The following RMND5A variants were observed in gnomAD, a reference collection of about 807,000 sequenced individuals.
The protein encoded by RMND5A is required for meiotic nuclear division 5 homolog A.
A neutral mutation model predicts 49.7 loss-of-function variants in RMND5A; 17 were observed. The observed-to-expected ratio is 0.34, with a 90% CI of 0.23 to 0.51. The LOEUF (loss-of-function observed/expected upper bound fraction) is 0.51, where lower values mean the gene tolerates loss of function less well. RMND5A is among the 20% of genes least tolerant of loss of function. The probability of loss-of-function intolerance (pLI) is 0.96; values close to 1 mark genes in which losing one functional copy is unlikely to be tolerated. For synonymous variants in RMND5A, 156 were observed against 167.7 expected, an observed-to-expected ratio of 0.93 and a Z score of 0.54; for missense variants, 255 against 471.3, an observed-to-expected ratio of 0.54 and a Z score of 4.25.
chr2:86,754,550 T>C (rs1335554402), intron 4 of RMND5A, among the ~76,000 whole-genome samples: 1 of 152,188 alleles, frequency 6.6e-6, no homozygotes, highest in African/African-American at 2.4e-5. Context: ...AGCTTAGTTT[T>C]TTCTTTCTAA....
At chr2:86,759,093 C>T (rs1681797611) in intron 4 of RMND5A, among the ~76,000 whole-genome samples, 1 of 152,062 alleles carries the variant, frequency 6.6e-6, no homozygotes, top group African/African-American at 2.4e-5. Context: ...GGCTTTTTTT[C>T]CCTAGTATTA....
At position 86,728,489 on chromosome 2, in the gene RMND5A, T is replaced by C. The variant is rs1334883583; in HGVS notation, c.142+7680T>C. On this transcript the variant is annotated intron_variant, in intron 1 of 8. Transcript: ENST00000283632. The stretch of plus-strand genomic sequence containing the variant: ...TGGCTAATTTTTGTATTTTTAGTAG[T>C]GACGGAGTTTCACTATGTTGGCTAG... Among the ~76,000 whole-genome samples, 2 of 77,016 alleles carry C rather than the reference T, an allele frequency of 2.6e-5. 1 individual carries two copies. Among genetic ancestry groups the C allele is most frequent in the Non-Finnish European group, 5.4e-5 (2 of 37,282 alleles). The allele number at this position is 77,016 out of a possible 152,430, so 50.5% of individuals were successfully genotyped here. A position where few individuals can be genotyped will look rare whatever the true frequency, so the allele number is the denominator to read the frequency against.
chr2:86,756,695 T>C (rs1681746206), intron 4 of RMND5A, among the ~76,000 whole-genome samples: 1 of 152,222 alleles, frequency 6.6e-6, no homozygotes, highest in South Asian at 2.1e-4. Context: ...TTGAATGATA[T>C]GGGACTCCAA....
chr2:86,751,251 A>G (rs1681628328), intron 2 of RMND5A, among the ~76,000 whole-genome samples: 1 of 152,192 alleles, frequency 6.6e-6, no homozygotes, highest in Non-Finnish European at 1.5e-5. Context: ...TTGTTTCTAA[A>G]GCCATTACAG....
intron 6 of RMND5A, among the ~76,000 whole-genome samples, chr2:86,766,661 C>CA (rs59511898): frequency 0.065 from 4,920 of 76,252 alleles, 181 homozygotes; most frequent in East Asian, 0.15. Context: ...GAGACTGTCT[C>CA]AAAAAAAAAA....
chr2:86,767,904 A>C (rs1558727106), intron 6 of RMND5A, among the ~76,000 whole-genome samples: 1 of 152,220 alleles, frequency 6.6e-6, no homozygotes, highest in Non-Finnish European at 1.5e-5. Flanking sequence ...CATTTACCTC[A>C]ACCAGAAGAA....
rs1298232301 is a variant in RMND5A at position 86,721,398 on chromosome 2, C to G, written c.142+589C>G. On this transcript the variant is annotated intron_variant, in intron 1 of 8. Coordinates refer to ENST00000283632, the MANE Select transcript of RMND5A (RefSeq NM_022780.4). ...TGATTTGGCTGCTGTGTGGACGCAG[C>G]TCTTAACTCCGCAGCGGCTCTGACA... Among the ~76,000 whole-genome samples the G allele has an allele frequency of 3.3e-5, 5 of 151,944 alleles. No homozygotes were observed. In the South Asian group the frequency reaches 6.2e-4, roughly 19 times the overall value.
Position 86,776,027 on chromosome 2 carries a change from C to T in RMND5A, c.*2616C>T, listed in dbSNP as rs1672762699. The T allele has an allele frequency of 6.6e-6, 1 of 152,160 alleles. No homozygotes were observed. The highest frequency in any genetic ancestry group is 2.4e-5 in the African/African-American group (1 of 41,440). 9.4% of individuals were successfully genotyped at this position (152,160 alleles called of 1,614,324 possible). On this transcript the variant is annotated 3_prime_UTR_variant, in exon 9 of 9. Transcript: ENST00000283632. ...AACAGTCACATTTAATTATAATGTA[C>T]ATCAAAGGCAGAATTTCAGAATGGT...
chr2:86,729,878 AG>A (rs1681333758), intron 1 of RMND5A, among the ~76,000 whole-genome samples: 1 of 59,894 alleles, frequency 1.7e-5, no homozygotes, highest in Admixed American at 1.9e-4. Context: ...GGGAGGGGAC[AG>A]GGACACGATC....
intron 2 of RMND5A, among the ~76,000 whole-genome samples, chr2:86,745,760 A>G (rs1681525705): frequency 6.6e-6 from 1 of 152,226 alleles, no homozygotes; most frequent in Non-Finnish European, 1.5e-5. Context: ...ATACATTTAT[A>G]TCTATCCCAT....
chr2:86,753,467 C>A lies in RMND5A; in HGVS notation c.430C>A (p.Leu144Ile). The A allele has an allele frequency of 6.2e-7, 1 of 1,600,228 alleles. No homozygotes were observed. Residue 144 changes from leucine to isoleucine, a missense_variant, in exon 4 of 9, where the codon CTT (leucine) becomes ATT (isoleucine). Physicochemically the swap from Leu to Ile is conservative, Grantham distance 5. Transcript: ENST00000283632. ...VAEELCQESG[L>I]SVDPSQKEPF... ...TTCTTTCTTTTTCCAGGAATCTGGT[C>A]TTTCTGTAGACCCAAGTCAGAAGGA...
At chr2:86,772,572 G>T (rs753223754) in intron 8 of RMND5A, among the ~76,000 whole-genome samples, 15 of 150,986 alleles carry the variant, frequency 9.9e-5, no homozygotes, top group Non-Finnish European at 1.6e-4. Flanking sequence ...ATATGCATTT[G>T]TAATTTATTT....
intron 6 of RMND5A, among the ~76,000 whole-genome samples, chr2:86,767,886 T>A (rs1573446062): frequency 6.6e-6 from 1 of 152,130 alleles, no homozygotes; most frequent in South Asian, 2.1e-4. Flanking sequence ...TGAAACAAGG[T>A]TTTTTTTCAT....
chr2:86,760,289 C>T (rs1416835269), intron 4 of RMND5A, among the ~76,000 whole-genome samples: 1 of 152,204 alleles, frequency 6.6e-6, no homozygotes, highest in Non-Finnish European at 1.5e-5. Context: ...GGTGGTCCAC[C>T]CACCTCGGCC....
chr2:86,754,136 T>C (rs1449973495), intron 4 of RMND5A, among the ~76,000 whole-genome samples: 2 of 152,230 alleles, frequency 1.3e-5, no homozygotes, highest in Admixed American at 1.3e-4. Context: ...AAGGACCAAG[T>C]AGGAAATATT....
At chr2:86,729,188 T>C (rs1325089845) in intron 1 of RMND5A, among the ~76,000 whole-genome samples, 1 of 152,276 alleles carries the variant, frequency 6.6e-6, no homozygotes, top group Non-Finnish European at 1.5e-5. Flanking sequence ...AAAGAGTCTT[T>C]AAGGAACTTA....
Position 86,775,395 on chromosome 2 carries a change from A to AC in RMND5A, c.*1987dup, listed in dbSNP as rs1356350442. Reference sequence around the variant, plus strand: ...AAGTTTAGCTTATTCTTATCTTTCCACCCAAACACCTACACAACGTTTAGG... The same window carrying AC: ...AAGTTTAGCTTATTCTTATCTTTCCACCCCAAACACCTACACAACGTTTAGG... On this transcript the variant is annotated 3_prime_UTR_variant, in exon 9 of 9. Coordinates refer to ENST00000283632, the MANE Select transcript of RMND5A (RefSeq NM_022780.4). The AC allele has an allele frequency of 8.0e-6, 1 of 124,940 alleles. No homozygotes were observed. The highest frequency in any genetic ancestry group is 1.6e-5 in the Non-Finnish European group (1 of 62,692). 7.7% of individuals were successfully genotyped at this position (124,940 alleles called of 1,614,324 possible).
At chr2:86,755,717 A>G (rs1306620771) in intron 4 of RMND5A, among the ~76,000 whole-genome samples, 1 of 152,208 alleles carries the variant, frequency 6.6e-6, no homozygotes, top group African/African-American at 2.4e-5. Context: ...CATGTTATGT[A>G]TATTGATTAT....
At chr2:86,769,357 C>T (rs141981767) in intron 6 of RMND5A, among the ~76,000 whole-genome samples, 2 of 152,264 alleles carry the variant, frequency 1.3e-5, no homozygotes, top group Admixed American at 6.5e-5. Flanking sequence ...TATCATTGTT[C>T]TAATTAGCGT....
Sources: allele counts gnomAD v4.1 joint callset (sites outside exome capture counted in the v4.1 genomes callset), GRCh38; gene constraint gnomAD v4.1.1; transcripts MANE v1.5; gene names NCBI Gene and HGNC (gene_info 2026-07-23, HGNC 2026-07-21).